SMYD4: variants seen among roughly 807,000 people sequenced by gnomAD.
The protein encoded by SMYD4 is protein-lysine N-methyltransferase SMYD4.
A neutral mutation model predicts 72.8 loss-of-function variants in SMYD4; 68 were observed. That is an observed-to-expected ratio of 0.93 (90% CI 0.77 to 1.14). The LOEUF (loss-of-function observed/expected upper bound fraction) is 1.14, where lower values mean the gene tolerates loss of function less well. SMYD4 is among the 50% of genes most tolerant of loss of function. SMYD4 has a pLI of 0.00. For missense variants in SMYD4, 984 were observed against 1,003.7 expected (o/e 0.98, Z 0.27); for synonymous variants, 407 against 388.6 (o/e 1.05, Z -0.56).
At chr17:1,807,999 T>C (rs1910130968) in intron 3 of SMYD4, among the ~76,000 whole-genome samples, 1 of 152,138 alleles carries the variant, frequency 6.6e-6, no homozygotes, top group South Asian at 2.1e-4. Flanking sequence ...CCAGTACTGC[T>C]TGGGATATGG....
At chr17:1,785,104 T>C (rs1009941634) in intron 7 of SMYD4, among the ~76,000 whole-genome samples, 2 of 148,360 alleles carry the variant, frequency 1.3e-5, no homozygotes, top group South Asian at 2.2e-4. Flanking sequence ...CAAACATTTC[T>C]AGTAGTTATG....
In SMYD4 at chr17:1,799,994, A is replaced by G. The variant is rs534023803; in HGVS notation, c.1400T>C (p.Ile467Thr). The change falls in exon 5 of 11, where the codon ATT (isoleucine) becomes ACT (threonine). Residue 467 changes from isoleucine (I) to threonine (T), a missense_variant. Transcript: ENST00000305513. ...ASLQAIPTER[I>T]VNSSQLKAAV... ...TGCTTTAAGCTGAGAGGAGTTCACA[A>G]TCCTCTCAGTTGGGATGGCCTGTAA... is the stretch of plus-strand genomic sequence containing the variant. 7.1e-4 allele frequency: 1,150 copies of G among 1,614,086 alleles called. 15 individuals carry two copies. The South Asian group carries it at 0.012, about 17-fold the overall frequency.
chr17:1,828,313 T>G (rs1299135292), intron 1 of SMYD4, among the ~76,000 whole-genome samples: 2 of 149,670 alleles, frequency 1.3e-5, no homozygotes, highest in East Asian at 4.0e-4. Context: ...ATCACGCCAT[T>G]GCACTCCAGC....
chr17:1,816,840 G>A (rs527352222), intron 2 of SMYD4, among the ~76,000 whole-genome samples: 1 of 151,706 alleles, frequency 6.6e-6, no homozygotes, highest in Admixed American at 6.6e-5. Flanking sequence ...ATCTTTTCGT[G>A]TGTCTACTGG....
intron 2 of SMYD4, chr17:1,814,513 T>C (rs561930542): frequency 6.6e-6 from 1 of 152,132 alleles, no homozygotes; most frequent in East Asian, 1.9e-4. Context: ...TTTATTAATA[T>C]TTAAATACAA....
At chr17:1,828,100 C>G in intron 1 of SMYD4, 94 bp from the exon 2 acceptor site, 1 of 1,323,096 alleles carries the variant, frequency 7.6e-7, no homozygotes, top group Non-Finnish European at 1.0e-6. Flanking sequence ...CCTGTAATCC[C>G]AGCACTTTGG....
intron 5 of SMYD4, among the ~76,000 whole-genome samples, chr17:1,795,634 G>A (rs1019299639): frequency 2.0e-5 from 3 of 151,692 alleles, no homozygotes; most frequent in Admixed American, 1.3e-4. Context: ...ATAGAGACGG[G>A]TTTCACCATG....
intron 2 of SMYD4, among the ~76,000 whole-genome samples, chr17:1,823,896 G>A (rs1174608173): frequency 6.6e-6 from 1 of 152,158 alleles, no homozygotes; most frequent in African/African-American, 2.4e-5. Context: ...GACACATGAA[G>A]AAATACACAT....
chr17:1,817,791 A>G (rs1448522866), intron 2 of SMYD4, among the ~76,000 whole-genome samples: 1 of 152,022 alleles, frequency 6.6e-6, no homozygotes, highest in African/African-American at 2.4e-5. Context: ...ACAGTGGATC[A>G]CGCCCCAGAA....
In SMYD4 at chr17:1,799,501, C is replaced by G. The variant is rs551464551; in HGVS notation, c.1537+356G>C. The stretch of plus-strand genomic sequence containing the variant: ...TCTCCTGTCTTAGCCTCCCGAGTAG[C>G]TGGGACTACAGGCATGTACCACCAT... On this transcript the variant is annotated intron_variant, in intron 5 of 10. Coordinates refer to ENST00000305513, the MANE Select transcript of SMYD4 (RefSeq NM_052928.3). Among the ~76,000 whole-genome samples, 44 of 151,592 alleles carry G rather than the reference C, an allele frequency of 2.9e-4. No homozygotes were observed. In the South Asian group the frequency reaches 8.1e-3, roughly 28 times the overall value.
chr17:1,789,258 T>C (rs912070482), intron 5 of SMYD4, among the ~76,000 whole-genome samples: 5 of 152,156 alleles, frequency 3.3e-5, no homozygotes, highest in African/African-American at 1.2e-4. Context: ...CATGGTGGCA[T>C]GCGCCTGTAG....
At chr17:1,797,082 T>C (rs1234198069) in intron 5 of SMYD4, among the ~76,000 whole-genome samples, 1 of 152,186 alleles carries the variant, frequency 6.6e-6, no homozygotes, top group African/African-American at 2.4e-5. Flanking sequence ...TCTACTGAGA[T>C]ACCTATATAC....
intron 2 of SMYD4, among the ~76,000 whole-genome samples, chr17:1,813,715 T>C (rs1910448199): frequency 6.6e-6 from 1 of 152,132 alleles, no homozygotes; most frequent in Admixed American, 6.6e-5. Context: ...GTGCCTGGCC[T>C]CTTTATACTA....
At chr17:1,811,666 C>A (rs545425447) in intron 3 of SMYD4, among the ~76,000 whole-genome samples, 38 of 152,296 alleles carry the variant, frequency 2.5e-4, no homozygotes, top group Non-Finnish European at 4.7e-4. Context: ...GTGGCTCATG[C>A]CTGTAATCCC....
rs1908342122 is a variant in SMYD4, at chr17:1,781,187, C to T, written c.*99G>A. On this transcript the variant is annotated 3_prime_UTR_variant, in exon 11 of 11. Transcript: ENST00000305513. ...CCGCCCACCTTAGCCTCCCAAAGTG[C>T]TGGGATTACAGGCGTGAGCCACCAT... 1 of 1,465,166 alleles carries T rather than the reference C, an allele frequency of 6.8e-7. No homozygotes were observed. The highest frequency in any genetic ancestry group is 1.4e-5 in the South Asian group (1 of 73,176). The allele number at this position is 1,465,166 out of a possible 1,614,324, so 90.8% of individuals were successfully genotyped here. A position where few individuals can be genotyped will look rare whatever the true frequency, so the allele number is the denominator to read the frequency against.
intron 3 of SMYD4, among the ~76,000 whole-genome samples, chr17:1,810,315 C>A (rs1466841479): frequency 6.6e-6 from 1 of 151,994 alleles, no homozygotes; most frequent in African/African-American, 2.4e-5. Context: ...GGGTCTCACT[C>A]TGTCACCCAG....
At chr17:1,789,067 C>A (rs900504885) in intron 5 of SMYD4, among the ~76,000 whole-genome samples, 37 of 152,272 alleles carry the variant, frequency 2.4e-4, no homozygotes, top group Non-Finnish European at 1.2e-4. Flanking sequence ...TGTGATATCA[C>A]CGAATATATG....
chr17:1,784,803 C>G (rs929284990), intron 7 of SMYD4, among the ~76,000 whole-genome samples: 9 of 151,958 alleles, frequency 5.9e-5, no homozygotes, highest in African/African-American at 2.2e-4. Context: ...TGGAGTCTCG[C>G]TCGGTCTCCA....
rs1911286243 is a variant in SMYD4 at position 1,827,979 on chromosome 17, C to T, written c.16G>A (p.Asp6Asn). The T allele has an allele frequency of 1.2e-6, 2 of 1,611,796 alleles. No homozygotes were observed. The highest frequency in any genetic ancestry group is 1.6e-4 in the Middle Eastern group (1 of 6,074). The part of the protein sequence containing the change: MDLPV[D>N]EWKSYLLQKW... Reference sequence around the variant, plus strand: ...TGAAGCAGATATGATTTCCATTCATCCACAGGCAGATCCATGCTGCTTTTG... The same window carrying T: ...TGAAGCAGATATGATTTCCATTCATTCACAGGCAGATCCATGCTGCTTTTG... Residue 6 changes from aspartate (D) to asparagine (N), a missense_variant, in exon 2 of 11, where the codon GAT becomes AAT. Transcript: ENST00000305513.
Sources: gnomAD v4.1 joint callset for allele counts (sites outside exome capture counted in the v4.1 genomes callset) on GRCh38, gnomAD v4.1.1 for gene constraint, MANE v1.5 for transcripts, NCBI Gene and HGNC (gene_info 2026-07-23, HGNC 2026-07-21) for gene names.